RXFP1: variants seen among roughly 807,000 people sequenced by gnomAD.
RXFP1 encodes the protein relaxin receptor 1.
RXFP1 carries 73 observed loss-of-function variants against 89.8 expected under a neutral mutation model. The observed-to-expected ratio is 0.81, with a 90% CI of 0.67 to 0.99. The LOEUF is 0.99. RXFP1 is among the 50% of genes least tolerant of loss of function. The probability of loss-of-function intolerance (pLI) is 0.00; values close to 1 mark genes in which losing one functional copy is unlikely to be tolerated. For missense variants in RXFP1, 793 were observed against 895.5 expected (o/e 0.89, Z 1.46); for synonymous variants, 277 against 305.5 (o/e 0.91, Z 0.97).
At chr4:158,623,538 A>G (rs1766091173) in intron 9 of RXFP1, among the ~76,000 whole-genome samples, 1 of 147,472 alleles carries the variant, frequency 6.8e-6, no homozygotes, top group East Asian at 1.9e-4. Flanking sequence ...ATAATCCACT[A>G]CTTCTCACTC....
intron 2 of RXFP1, among the ~76,000 whole-genome samples, chr4:158,578,895 G>A (rs768263777): frequency 5.9e-5 from 9 of 151,378 alleles, no homozygotes; most frequent in Admixed American, 2.0e-4. Context: ...ATTTTGGGTC[G>A]TGTAGTGTGT....
rs780181466 is a variant in RXFP1 at position 158,521,972 on chromosome 4, A to T, written c.-5A>T. The T allele has an allele frequency of 3.5e-5, 57 of 1,607,978 alleles. No individual in the cohort carries two copies. Among genetic ancestry groups the T allele is most frequent in the Admixed American group, 1.5e-4 (9 of 59,408 alleles). ...TTCATTAATCAGTTGCTCAGATAGA[A>T]GGAAATGACATCTGGTTCTGTCTTC... On this transcript the variant is annotated 5_prime_UTR_variant, in exon 1 of 18. The change creates a new upstream start codon in the 5' untranslated region. Coordinates refer to ENST00000307765, the MANE Select transcript of RXFP1 (RefSeq NM_021634.4).
At chr4:158,602,376 C>T (rs948720190) in intron 4 of RXFP1, among the ~76,000 whole-genome samples, 6 of 152,152 alleles carry the variant, frequency 3.9e-5, no homozygotes, top group Admixed American at 2.0e-4. Context: ...CTCTTGGGTT[C>T]TCTCGTAGAA....
At chr4:158,612,900 G>T (rs772349660) in intron 8 of RXFP1, among the ~76,000 whole-genome samples, 2 of 152,088 alleles carry the variant, frequency 1.3e-5, no homozygotes, top group Non-Finnish European at 1.5e-5. Flanking sequence ...GAGCCACCAC[G>T]CCCAGCCTTT....
At chr4:158,627,277 T>C (rs1352853346) in intron 10 of RXFP1, among the ~76,000 whole-genome samples, 1 of 152,126 alleles carries the variant, frequency 6.6e-6, no homozygotes, top group South Asian at 2.1e-4. Flanking sequence ...AAGTAAAGGA[T>C]GTTAGGTCTT....
chr4:158,555,036 T>G (rs1253976429), intron 1 of RXFP1, among the ~76,000 whole-genome samples: 1 of 152,166 alleles, frequency 6.6e-6, no homozygotes, highest in African/African-American at 2.4e-5. Context: ...CTTACTTTAT[T>G]TTAAATTTAA....
chr4:158,550,811 C>G (rs1200156188), intron 1 of RXFP1, among the ~76,000 whole-genome samples: 1 of 152,164 alleles, frequency 6.6e-6, no homozygotes, highest in Non-Finnish European at 1.5e-5. Context: ...CCACCACTTA[C>G]TGGTTCCATG....
chr4:158,612,103 T>G (rs1248181912), intron 6 of RXFP1, 27 bp from the exon 7 acceptor site: 5 of 1,535,060 alleles, frequency 3.3e-6, no homozygotes, highest in Non-Finnish European at 4.4e-6. Context: ...ATATACAAAT[T>G]TATTGTAGTT....
intron 1 of RXFP1, among the ~76,000 whole-genome samples, chr4:158,564,297 T>A (rs2149957334): frequency 6.6e-6 from 1 of 152,324 alleles, no homozygotes; most frequent in South Asian, 2.1e-4. Flanking sequence ...GTGGGGGACA[T>A]TTTTAAATTG....
At chr4:158,615,485 G>A (rs528601639) in intron 8 of RXFP1, among the ~76,000 whole-genome samples, 4 of 151,766 alleles carry the variant, frequency 2.6e-5, no homozygotes, top group South Asian at 4.2e-4. Flanking sequence ...GCAGTGAGCC[G>A]AGATTGCACC....
rs188051919 is a variant in RXFP1 at position 158,643,822 on chromosome 4, G to C, written c.1116-1087G>C. Among the ~76,000 whole-genome samples, 8 of 151,922 alleles carry C rather than the reference G, an allele frequency of 5.3e-5. No individual in the cohort carries two copies. The South Asian group carries it at 1.7e-3, about 32-fold the overall frequency. ...CTGAGGAACCCCCATATTGTTCTCCGTTCTCCATAGTGCCTATACTAATTT... is the reference window on the plus strand; with the variant it reads ...CTGAGGAACCCCCATATTGTTCTCCCTTCTCCATAGTGCCTATACTAATTT... On this transcript the variant is annotated intron_variant, in intron 14 of 17. Transcript: ENST00000307765.
At chr4:158,566,327 C>G (rs1753528443) in intron 1 of RXFP1, among the ~76,000 whole-genome samples, 1 of 152,172 alleles carries the variant, frequency 6.6e-6, no homozygotes, top group Non-Finnish European at 1.5e-5. Flanking sequence ...CCAATACTTG[C>G]AACTTCTCAG....
At chr4:158,625,358 G>A (rs1766499878) in intron 9 of RXFP1, among the ~76,000 whole-genome samples, 1 of 149,246 alleles carries the variant, frequency 6.7e-6, no homozygotes, top group African/African-American at 2.5e-5. Flanking sequence ...TACATTGTCT[G>A]TGCTAAATAC....
chr4:158,651,815 A>G lies in RXFP1; in HGVS notation c.2034A>G (p.Pro678=), dbSNP rs1391910040. ...FILPINSALN[P]ILYTLTTRPF... ...TGCCCATTAACAGTGCTTTGAACCCAATTCTCTATACTCTGACCACAAGAC... is the reference window on the plus strand; with the variant it reads ...TGCCCATTAACAGTGCTTTGAACCCGATTCTCTATACTCTGACCACAAGAC... Residue 678 remains proline (P), a synonymous_variant, in exon 18 of 18, where the codon CCA becomes CCG. Coordinates refer to ENST00000307765, the MANE Select transcript of RXFP1 (RefSeq NM_021634.4). The G allele has an allele frequency of 6.2e-7, 1 of 1,613,994 alleles. No individual in the cohort carries two copies. The highest frequency in any genetic ancestry group is 1.7e-5 in the Admixed American group (1 of 59,986).
intron 2 of RXFP1, 183 bp downstream of exon 2, chr4:158,573,018 GTTT>G: frequency 1.4e-6 from 1 of 723,620 alleles, no homozygotes; most frequent in African/African-American, 1.7e-5. Flanking sequence ...TCTTGTTTTT[GTTT>G]TTTTTTGAGA....
intron 1 of RXFP1, among the ~76,000 whole-genome samples, chr4:158,530,162 GA>G (rs1375908198): frequency 1.3e-4 from 20 of 152,186 alleles, no homozygotes; most frequent in African/African-American, 4.6e-4. Flanking sequence ...AAATAGATAG[GA>G]AATGACAAAT....
At chr4:158,623,568 C>T (rs577540451) in intron 9 of RXFP1, among the ~76,000 whole-genome samples, 1 of 144,906 alleles carries the variant, frequency 6.9e-6, no homozygotes. Flanking sequence ...TCAAGTAGAA[C>T]CAAAATAAAT....
At chr4:158,555,169 T>C (rs1446492564) in intron 1 of RXFP1, among the ~76,000 whole-genome samples, 1 of 152,202 alleles carries the variant, frequency 6.6e-6, no homozygotes, top group Non-Finnish European at 1.5e-5. Context: ...AGTTATTGTT[T>C]ACATGAGTTC....
At chr4:158,604,231 C>T (rs1039599568) in intron 4 of RXFP1, among the ~76,000 whole-genome samples, 1 of 152,064 alleles carries the variant, frequency 6.6e-6, no homozygotes, top group African/African-American at 2.4e-5. Flanking sequence ...CGGTCTGTTG[C>T]TCACTTATAA....
Sources: allele counts gnomAD v4.1 joint callset (sites outside exome capture counted in the v4.1 genomes callset), GRCh38; gene constraint gnomAD v4.1.1; transcripts MANE v1.5; gene names NCBI Gene and HGNC (gene_info 2026-07-23, HGNC 2026-07-21).